Variants in PACC1 observed in about 807,000 individuals in gnomAD.
PACC1 encodes the protein proton-activated chloride channel.
Under a neutral mutation model 39.7 loss-of-function variants are expected in PACC1, and 34 were observed. The observed-to-expected ratio is 0.86, with a 90% CI of 0.65 to 1.14. PACC1 has a LOEUF of 1.14. Ranked by LOEUF, PACC1 falls within the 50% of genes most tolerant of loss-of-function variation. The probability of loss-of-function intolerance (pLI) is 0.00; values close to 1 mark genes in which losing one functional copy is unlikely to be tolerated. For synonymous variants in PACC1, 127 were observed against 160.6 expected (o/e 0.79, Z 1.58); for missense variants, 379 against 436.4 (o/e 0.87, Z 1.17).
chr1:212,412,654 G>A (rs1662178798), intron 1 of PACC1, among the ~76,000 whole-genome samples: 1 of 152,210 alleles, frequency 6.6e-6, no homozygotes, highest in Admixed American at 6.5e-5. Context: ...GAGAAACTGA[G>A]TCTACCCTGG....
At chr1:212,385,162 C>T in intron 4 of PACC1, 112 bp downstream of exon 4, 1 of 1,249,486 alleles carries the variant, frequency 8.0e-7, no homozygotes, top group Non-Finnish European at 1.1e-6. Flanking sequence ...GGACTAAGGC[C>T]CCACACTGAG....
chr1:212,413,852 CAG>C, intron 1 of PACC1: 1 of 1,505,860 alleles, frequency 6.6e-7, no homozygotes, highest in Non-Finnish European at 8.8e-7. Context: ...GTATCGCACT[CAG>C]AGGTTACAGC....
intron 2 of PACC1, among the ~76,000 whole-genome samples, chr1:212,390,653 C>T (rs2102507985): frequency 6.6e-6 from 1 of 151,486 alleles, no homozygotes; most frequent in East Asian, 2.0e-4. Flanking sequence ...CATCGCCTCA[C>T]CCGGGAAGCA....
chr1:212,413,061 A>G (rs184906269), intron 1 of PACC1, among the ~76,000 whole-genome samples: 18 of 152,264 alleles, frequency 1.2e-4, no homozygotes, highest in Non-Finnish European at 1.3e-4. Context: ...CACACCCTAT[A>G]AACCTAAAAA....
intron 4 of PACC1, 24 bp downstream of exon 4, chr1:212,385,250 C>A: frequency 1.9e-6 from 3 of 1,613,376 alleles, no homozygotes; most frequent in Non-Finnish European, 2.5e-6. Context: ...CTGCCCAGAC[C>A]CAGCTCAGGC....
intron 7 of PACC1, among the ~76,000 whole-genome samples, chr1:212,371,042 A>T (rs1162187082): frequency 1.3e-5 from 2 of 152,046 alleles, no homozygotes; most frequent in African/African-American, 4.8e-5. Context: ...GGTCAAGAGA[A>T]CAAGACCATC....
chr1:212,400,754 G>T (rs1157569656), intron 2 of PACC1, among the ~76,000 whole-genome samples: 2 of 152,166 alleles, frequency 1.3e-5, no homozygotes, highest in Non-Finnish European at 2.9e-5. Context: ...GCAAACTCAG[G>T]GTAGTAGGAA....
intron 2 of PACC1, among the ~76,000 whole-genome samples, chr1:212,405,694 T>C (rs1306663938): frequency 6.6e-6 from 1 of 152,114 alleles, no homozygotes; most frequent in African/African-American, 2.4e-5. Context: ...CAGAACACCT[T>C]GCGAGACAGC....
Position 212,385,335 on chromosome 1 carries a change from C to A in PACC1, c.434G>T (p.Gly145Val). ...CCTCTGGGTGGTGCAATTCATGTCA[C>A]CCGGCTGGCCAGGGCTTGTCAGAGG... ...IPPLTSPGQP[G>V]DMNCTTQRIN... The change falls in exon 4 of 8, where the codon GGT (glycine) becomes GTT (valine). Residue 145 changes from glycine to valine, a missense_variant. Gly to Val is a moderately radical substitution (Grantham distance 109). Transcript: ENST00000261455. 1.2e-6 allele frequency: 2 copies of A among 1,614,102 alleles called. No individual in the cohort carries two copies. The highest frequency in any genetic ancestry group is 1.7e-6 in the Non-Finnish European group (2 of 1,180,012).
intron 2 of PACC1, among the ~76,000 whole-genome samples, chr1:212,394,972 GGA>G (rs1661459962): frequency 1.3e-5 from 2 of 152,278 alleles, no homozygotes; most frequent in South Asian, 4.1e-4. Flanking sequence ...CCATGCTCAT[GGA>G]TAGGAAGAAT....
At chr1:212,403,083 C>T (rs1661774955) in intron 2 of PACC1, among the ~76,000 whole-genome samples, 1 of 152,152 alleles carries the variant, frequency 6.6e-6, no homozygotes, top group Admixed American at 6.5e-5. Flanking sequence ...TTGATTACAT[C>T]TCTGATGTAA....
chr1:212,374,830 A>G (rs17018950), intron 7 of PACC1, among the ~76,000 whole-genome samples: 2,168 of 152,276 alleles, frequency 0.014, 48 homozygotes, highest in African/African-American at 0.048. Flanking sequence ...TGGTAACTTA[A>G]TGCTTTCTAC....
At chr1:212,410,397 A>G in intron 2 of PACC1, 28 bp downstream of exon 2, 1 of 1,602,700 alleles carries the variant, frequency 6.2e-7, no homozygotes, top group Non-Finnish European at 8.5e-7. Flanking sequence ...CTGCAGCAAC[A>G]GCACAGCAAA....
In PACC1 at chr1:212,414,102, A is replaced by G. The variant is rs540674301; in HGVS notation, c.36+620T>C. 209 of 1,513,394 alleles carry G rather than the reference A, an allele frequency of 1.4e-4. 1 individual carries two copies. In the African/African-American group the frequency reaches 2.4e-3, roughly 17 times the overall value. 93.7% of individuals were successfully genotyped at this position (1,513,394 alleles called of 1,614,324 possible). On this transcript the variant is annotated intron_variant, in intron 1 of 7. Transcript: ENST00000261455. ...CAGCCTGCAGCGCAGGACAGAGAAG[A>G]GACAAAGAACTGGAAAGTGATAAAG...
intron 2 of PACC1, among the ~76,000 whole-genome samples, chr1:212,408,773 C>T (rs1462838129): frequency 1.3e-5 from 2 of 152,220 alleles, no homozygotes; most frequent in East Asian, 3.8e-4. Context: ...CAGGCTGGGG[C>T]TTCATTCATT....
chr1:212,392,315 C>T (rs139057391), intron 2 of PACC1, among the ~76,000 whole-genome samples: 2,188 of 152,228 alleles, frequency 0.014, 52 homozygotes, highest in African/African-American at 0.049. Context: ...GAATTTTCAA[C>T]CCAGAATTTC....
At chr1:212,371,256 A>AG (rs1424607956) in intron 7 of PACC1, among the ~76,000 whole-genome samples, 6 of 143,632 alleles carry the variant, frequency 4.2e-5, no homozygotes, top group Admixed American at 1.4e-4. Context: ...AAAAAAAAAA[A>AG]AAAGAAAGAA....
In PACC1 at chr1:212,414,846, G is replaced by C. The variant is rs529422328; in HGVS notation, c.-89C>G. 3.3e-5 allele frequency: 51 copies of C among 1,551,926 alleles called. 1 individual carries two copies. The South Asian group carries it at 5.0e-4, about 15-fold the overall frequency. ...TGCGGCCGCTGCACCTGGACCTACC[G>C]GCTCCGCGAGGCGAAACCGGTCCGG... On this transcript the variant is annotated 5_prime_UTR_variant, in exon 1 of 8. Transcript: ENST00000261455.
intron 2 of PACC1, among the ~76,000 whole-genome samples, chr1:212,388,360 ACT>A (rs918661564): frequency 6.6e-6 from 1 of 152,026 alleles, no homozygotes; most frequent in Non-Finnish European, 1.5e-5. Context: ...GTACAACACA[ACT>A]CTGTCTCCCC....
Sources: allele counts gnomAD v4.1 joint callset (sites outside exome capture counted in the v4.1 genomes callset), GRCh38; gene constraint gnomAD v4.1.1; transcripts MANE v1.5; gene names NCBI Gene and HGNC (gene_info 2026-07-23, HGNC 2026-07-21).